Variants in MYO3B observed in about 807,000 individuals in gnomAD.
MYO3B encodes myosin-IIIb.
MYO3B carries 156 observed loss-of-function variants against 174.6 expected under a neutral mutation model. That is an observed-to-expected ratio of 0.89 (90% confidence interval 0.78 to 1.02). The LOEUF is 1.02. Ranked by LOEUF, MYO3B falls within the 50% of genes least tolerant of loss-of-function variation. MYO3B has a pLI of 0.00. For missense variants in MYO3B, 1,632 were observed against 1,639.4 expected (o/e 1.00, Z 0.08); for synonymous variants, 563 against 569.1 (o/e 0.99, Z 0.15).
chr2:170,577,659 T>A (rs1692864595), intron 32 of MYO3B, among the ~76,000 whole-genome samples: 1 of 152,224 alleles, frequency 6.6e-6, no homozygotes, highest in Non-Finnish European at 1.5e-5. Context: ...CAGAGAATTG[T>A]AGCTTTGGGT....
chr2:170,633,925 C>T (rs924435568), intron 32 of MYO3B, among the ~76,000 whole-genome samples: 4 of 152,270 alleles, frequency 2.6e-5, no homozygotes, highest in Non-Finnish European at 5.9e-5. Context: ...TGAAGGACCT[C>T]TTCAAGGAGA....
intron 32 of MYO3B, among the ~76,000 whole-genome samples, chr2:170,546,391 C>T (rs1690485054): frequency 6.6e-6 from 1 of 152,086 alleles, no homozygotes; most frequent in South Asian, 2.1e-4. Flanking sequence ...TGAAATGAAA[C>T]TCTACCTAAG....
At chr2:170,400,490 C>G (rs1266490065) in intron 17 of MYO3B, among the ~76,000 whole-genome samples, 176 bp downstream of exon 17, 1 of 150,884 alleles carries the variant, frequency 6.6e-6, no homozygotes, top group Non-Finnish European at 1.5e-5. Context: ...ACTGCAACCT[C>G]TGCCTCCCAG....
At chr2:170,556,934 T>A (rs1691347410) in intron 32 of MYO3B, among the ~76,000 whole-genome samples, 1 of 152,242 alleles carries the variant, frequency 6.6e-6, no homozygotes, top group Admixed American at 6.5e-5. Context: ...ACATGCTTAT[T>A]TGACATCTGT....
chr2:170,614,739 T>G (rs1402829733), intron 32 of MYO3B, among the ~76,000 whole-genome samples: 2 of 152,156 alleles, frequency 1.3e-5, no homozygotes, highest in East Asian at 1.9e-4. Context: ...TCAATCACAT[T>G]CTGTCCTGCT....
chr2:170,466,582 A>G lies in MYO3B; in HGVS notation c.2885A>G (p.Asp962Gly), dbSNP rs762909253. ...HFVRCIKPND[D>G]REALQFSRER... ...GTGCGCTGCATTAAACCCAATGATG[A>G]CCGAGAGGCCCTGCAGTTCTCTCGA... is the stretch of plus-strand genomic sequence containing the variant. The change falls in exon 25 of 35, where the codon GAC (aspartate) becomes GGC (glycine). Residue 962 changes from aspartate to glycine, a missense_variant. Physicochemically the swap from Asp to Gly is moderately conservative, Grantham distance 94. Coordinates refer to ENST00000408978, the MANE Select transcript of MYO3B (RefSeq NM_138995.5). 2 of 1,614,160 alleles carry G rather than the reference A, an allele frequency of 1.2e-6. No homozygotes were observed. The highest frequency in any genetic ancestry group is 1.7e-6 in the Non-Finnish European group (2 of 1,180,030).
At chr2:170,406,157 C>T in intron 21 of MYO3B, among the ~76,000 whole-genome samples, 1 of 152,286 alleles carries the variant, frequency 6.6e-6, no homozygotes, top group East Asian at 1.9e-4. Context: ...GTCTCAATTT[C>T]AAGTTCCTGA....
At chr2:170,354,129 C>T (rs952153393) in intron 8 of MYO3B, among the ~76,000 whole-genome samples, 6 of 152,192 alleles carry the variant, frequency 3.9e-5, no homozygotes, top group African/African-American at 1.4e-4. Flanking sequence ...AATAGGATCC[C>T]GCAGAAAGAA....
At chr2:170,208,624 C>T (rs895730101) in intron 3 of MYO3B, among the ~76,000 whole-genome samples, 6 of 152,116 alleles carry the variant, frequency 3.9e-5, no homozygotes, top group Admixed American at 3.3e-4. Flanking sequence ...CAGGGTTAGT[C>T]TAAAGGGTAG....
chr2:170,355,733 A>G (rs2094115203), intron 8 of MYO3B, among the ~76,000 whole-genome samples: 1 of 152,146 alleles, frequency 6.6e-6, no homozygotes, highest in South Asian at 2.1e-4. Flanking sequence ...AGCACATGGT[A>G]GCTTGGCATC....
intron 7 of MYO3B, among the ~76,000 whole-genome samples, chr2:170,259,080 A>G (rs2093326261): frequency 6.6e-6 from 1 of 152,184 alleles, no homozygotes. Flanking sequence ...AACAAATGGA[A>G]AAACATTCCA....
In MYO3B at chr2:170,226,555, G is replaced by A. The variant is rs147469205; in HGVS notation, c.603+9160G>A. ...CCCAGGTTTTCACCTCAGCTCCAGC[G>A]ATAGTTCCCTCTCAGCTGGAGCTCT... On this transcript the variant is annotated intron_variant, in intron 6 of 34. Coordinates refer to ENST00000408978, the MANE Select transcript of MYO3B (RefSeq NM_138995.5). Among the ~76,000 whole-genome samples the A allele has an allele frequency of 6.5e-4, 99 of 152,300 alleles. 1 individual carries two copies. Among genetic ancestry groups the A allele is most frequent in the African/African-American group, 2.1e-3 (87 of 41,568 alleles).
intron 23 of MYO3B, 96 bp downstream of exon 23, chr2:170,444,142 A>C (rs1390326663): frequency 1.1e-5 from 11 of 1,036,402 alleles, no homozygotes; most frequent in Non-Finnish European, 1.6e-5. Flanking sequence ...CCCTTCTAGC[A>C]GCCCTCTGCC....
chr2:170,241,772 G>A (rs2093136959), intron 7 of MYO3B, among the ~76,000 whole-genome samples: 1 of 151,998 alleles, frequency 6.6e-6, no homozygotes. Context: ...GCCTACAATC[G>A]ACTCTCATCC....
intron 6 of MYO3B, among the ~76,000 whole-genome samples, chr2:170,225,833 A>G (rs887735610): frequency 1.1e-4 from 17 of 152,198 alleles, no homozygotes; most frequent in African/African-American, 4.1e-4. Flanking sequence ...GATAAAATGA[A>G]ATAATGTACT....
chr2:170,315,630 A>G (rs1349998412), intron 7 of MYO3B, among the ~76,000 whole-genome samples: 1 of 152,188 alleles, frequency 6.6e-6, no homozygotes, highest in African/African-American at 2.4e-5. Context: ...AATAGGGGTA[A>G]TTTTAACTAT....
chr2:170,307,463 T>G (rs1170393016), intron 7 of MYO3B, among the ~76,000 whole-genome samples: 1 of 152,196 alleles, frequency 6.6e-6, no homozygotes, highest in Non-Finnish European at 1.5e-5. Flanking sequence ...CTACCTTTCT[T>G]GCTGTTATCA....
At chr2:170,240,082 A>T (rs150799156) in intron 7 of MYO3B, among the ~76,000 whole-genome samples, 4 of 152,182 alleles carry the variant, frequency 2.6e-5, no homozygotes, top group African/African-American at 9.7e-5. Flanking sequence ...ATATAAGGAC[A>T]TAGACTTAGG....
intron 6 of MYO3B, among the ~76,000 whole-genome samples, chr2:170,222,413 C>T (rs2092910885): frequency 6.6e-6 from 1 of 152,212 alleles, no homozygotes; most frequent in Non-Finnish European, 1.5e-5. Context: ...TCTCACACTT[C>T]TGGAGGCTAG....
Sources: allele counts gnomAD v4.1 joint callset (sites outside exome capture counted in the v4.1 genomes callset), GRCh38; gene constraint gnomAD v4.1.1; transcripts MANE v1.5; gene names NCBI Gene and HGNC (gene_info 2026-07-23, HGNC 2026-07-21).